The following MYOF variants were observed in gnomAD, a reference collection of about 807,000 sequenced individuals.
The protein encoded by MYOF is fer-1-like 3, myoferlin.
MYOF carries 244 observed loss-of-function variants against 284.2 expected under a neutral mutation model. That is an observed-to-expected ratio of 0.86 (90% CI 0.77 to 0.95). The LOEUF (loss-of-function observed/expected upper bound fraction) is 0.95, where lower values mean the gene tolerates loss of function less well. Among genes scored for constraint, MYOF ranks in the 40% least tolerant of loss-of-function variants. The pLI is 0.00. For synonymous variants in MYOF, 904 were observed against 919.7 expected (o/e 0.98, Z 0.31); for missense variants, 2,496 against 2,560.6 (o/e 0.97, Z 0.54).
At chr10:93,398,737 A>G (rs701859) in intron 13 of MYOF, among the ~76,000 whole-genome samples, 56,714 of 152,104 alleles carry the variant, frequency 0.37, 12,164 homozygotes, top group Middle Eastern at 0.59. Flanking sequence ...TGGTTTGCCG[A>G]ATCTTGCTTT....
At chr10:93,393,810 C>T (rs141179824) in intron 16 of MYOF, among the ~76,000 whole-genome samples, 206 of 152,334 alleles carry the variant, frequency 1.4e-3, no homozygotes, top group African/African-American at 4.4e-3. Flanking sequence ...CTTCTCATCT[C>T]TATCTTCCAC....
rs550982232 is a variant in MYOF, at chr10:93,351,184, G to A, written c.3921+13C>T. The A allele has an allele frequency of 5.6e-6, 9 of 1,612,298 alleles. No homozygotes were observed. In the Admixed American group the frequency reaches 1.3e-4, roughly 24 times the overall value. On this transcript the variant is annotated intron_variant, in intron 35 of 53. Transcript: ENST00000359263. ...CGTTTGATTTGATGAGTAACACGTG[G>A]GGAGCAGCATACCTCAATGGCAGTG...
At chr10:93,336,299 G>A (rs779583292) in intron 40 of MYOF, among the ~76,000 whole-genome samples, 13 of 152,176 alleles carry the variant, frequency 8.5e-5, no homozygotes, top group Non-Finnish European at 1.6e-4. Flanking sequence ...GTGAAAACAC[G>A]TACACATGGT....
intron 5 of MYOF, among the ~76,000 whole-genome samples, chr10:93,410,945 C>T (rs988376912): frequency 6.6e-6 from 1 of 152,204 alleles, no homozygotes; most frequent in Non-Finnish European, 1.5e-5. Context: ...CCACTCCCCA[C>T]CCTCCACTTT....
intron 29 of MYOF, among the ~76,000 whole-genome samples, chr10:93,357,265 C>A (rs1233624611): frequency 6.6e-6 from 1 of 152,264 alleles, no homozygotes; most frequent in East Asian, 1.9e-4. Flanking sequence ...ATTAAATGCC[C>A]CCTCCCAGGT....
chr10:93,465,539 T>TTTTTC (rs1554873027), intron 1 of MYOF, among the ~76,000 whole-genome samples: 4 of 14,106 alleles, frequency 2.8e-4, no homozygotes, highest in Non-Finnish European at 7.9e-4. Flanking sequence ...TTTTCTTTTC[T>TTTTTC]TTTTTTTTTT....
In MYOF at chr10:93,454,987, TAA is replaced by T. The variant is rs56013436; in HGVS notation, c.144+1893_144+1894del. Among the ~76,000 whole-genome samples, 9 of 58,662 alleles carry T rather than the reference TAA, an allele frequency of 1.5e-4. No individual in the cohort carries two copies. The East Asian group carries it at 4.9e-3, about 32-fold the overall frequency. The allele number at this position is 58,662 out of a possible 152,430, so 38.5% of individuals were successfully genotyped here. A position where few individuals can be genotyped will look rare whatever the true frequency, so the allele number is the denominator to read the frequency against. On this transcript the variant is annotated intron_variant, in intron 2 of 53. Coordinates refer to ENST00000359263, the MANE Select transcript of MYOF (RefSeq NM_013451.4). The stretch of plus-strand genomic sequence containing the variant: ...GAGCGAGACCCTGTCTTTTTTTAAT[TAA>T]AAAAAAAAAAAAAAAAAAAAAAAAG...
intron 15 of MYOF, 175 bp downstream of exon 15, chr10:93,397,072 T>C: frequency 1.9e-6 from 1 of 521,960 alleles, no homozygotes; most frequent in Non-Finnish European, 3.3e-6. Flanking sequence ...CGAAGCTTTT[T>C]TTGCAGTAAC....
chr10:93,327,021 C>T lies in MYOF; in HGVS notation c.5132-1056G>A, dbSNP rs147904896. Among the ~76,000 whole-genome samples the T allele has an allele frequency of 4.4e-3, 666 of 152,086 alleles. 3 individuals carry two copies. The highest frequency in any genetic ancestry group is 7.8e-3 in the Non-Finnish European group (528 of 68,022). The stretch of plus-strand genomic sequence containing the variant: ...TGTCATTTCCCTTTGAATCTGGAGA[C>T]GTAGTCAAACACTGGAGTATGGAGA... On this transcript the variant is annotated intron_variant, in intron 45 of 53. Coordinates refer to ENST00000359263, the MANE Select transcript of MYOF (RefSeq NM_013451.4).
chr10:93,409,859 G>T, intron 5 of MYOF, 120 bp from the exon 6 acceptor site: 1 of 1,240,822 alleles, frequency 8.1e-7, no homozygotes, highest in Non-Finnish European at 1.1e-6. Context: ...TAAAGTGGCA[G>T]GTGAAGGAGA....
At chr10:93,308,462 G>GTAATCCCAGCTA (rs1842231182) in intron 53 of MYOF, among the ~76,000 whole-genome samples, 1 of 149,684 alleles carries the variant, frequency 6.7e-6, no homozygotes, top group Non-Finnish European at 1.5e-5. Context: ...GCAGGCACCT[G>GTAATCCCAGCTA]TAATCCCAGC....
At position 93,329,673 on chromosome 10, in the gene MYOF, T is replaced by G; in HGVS notation, c.4973A>C (p.Glu1658Ala). The G allele has an allele frequency of 6.2e-7, 1 of 1,613,962 alleles. No homozygotes were observed. The highest frequency in any genetic ancestry group is 8.5e-7 in the Non-Finnish European group (1 of 1,180,030). The change falls in exon 44 of 54, where the codon GAG becomes GCG. Residue 1658 changes from glutamate (E) to alanine (A), a missense_variant. Glu to Ala is a moderately radical substitution (Grantham distance 107). Transcript: ENST00000359263. Reference sequence around the variant, plus strand: ...AGTCAAAGCAACTTACACACAGTACTCCTCTGGTATGCCGCAGTGGGACCC... The same window carrying G: ...AGTCAAAGCAACTTACACACAGTACGCCTCTGGTATGCCGCAGTGGGACCC... ...RFGSHCGIPE[E>A]YCVSGVNTWR...
At chr10:93,335,716 G>A (rs1843570790) in intron 41 of MYOF, among the ~76,000 whole-genome samples, 1 of 151,800 alleles carries the variant, frequency 6.6e-6, no homozygotes, top group African/African-American at 2.4e-5. Context: ...TTCCTTTCTG[G>A]CACCTTCCAG....
At chr10:93,441,761 G>A (rs1277380360) in intron 3 of MYOF, among the ~76,000 whole-genome samples, 1 of 151,616 alleles carries the variant, frequency 6.6e-6, no homozygotes, top group Non-Finnish European at 1.5e-5. Context: ...ACGGGGGTTT[G>A]CCCATGTTGG....
At chr10:93,337,998 A>ACAAAT in intron 39 of MYOF, 85 bp from the exon 40 acceptor site, 1 of 975,056 alleles carries the variant, frequency 1.0e-6, no homozygotes, top group East Asian at 2.4e-5. Context: ...AATAGTTAAG[A>ACAAAT]AGAAATAGGT....
At chr10:93,438,793 G>A (rs937975767) in intron 3 of MYOF, among the ~76,000 whole-genome samples, 22 of 151,954 alleles carry the variant, frequency 1.4e-4, no homozygotes, top group Non-Finnish European at 2.8e-4. Context: ...ACCACGCATC[G>A]AAGTCCAATT....
At position 93,373,026 on chromosome 10, in the gene MYOF, G is replaced by A. The variant is rs1564659413; in HGVS notation, c.2361C>T (p.Ala787=). ...IWMIRGEKRL[A]YARIPAHQVL... is the part of the protein sequence containing the mutation. ...CCTGATGTGCGGGAATTCGTGCATA[G>A]GCCAGTCTCTTCTCTCCCCGGATCA... is the stretch of plus-strand genomic sequence containing the variant. Residue 787 remains alanine, a synonymous_variant, in exon 24 of 54, where the codon GCC becomes GCT. Transcript: ENST00000359263. 3 of 1,614,164 alleles carry A rather than the reference G, an allele frequency of 1.9e-6. No homozygotes were observed. Among genetic ancestry groups the A allele is most frequent in the Non-Finnish European group, 2.5e-6 (3 of 1,180,002 alleles).
Position 93,316,733 on chromosome 10 carries a change from A to C in MYOF, c.5679T>G (p.Phe1893Leu). ...CCCTACCCAAGTAGTCATCCAGAGAAAACTTGTCATTGTCCCATATCTGAA... is the reference window on the plus strand; with the variant it reads ...CCCTACCCAAGTAGTCATCCAGAGACAACTTGTCATTGTCCCATATCTGAA... ...LIIQIWDNDK[F>L]SLDDYLGFLE... The change falls in exon 50 of 54, where the codon TTT (phenylalanine) becomes TTG (leucine). Residue 1893 changes from phenylalanine to leucine, a missense_variant. Coordinates refer to ENST00000359263, the MANE Select transcript of MYOF (RefSeq NM_013451.4). The C allele has an allele frequency of 6.2e-7, 1 of 1,613,664 alleles. No individual in the cohort carries two copies. Among genetic ancestry groups the C allele is most frequent in the Non-Finnish European group, 8.5e-7 (1 of 1,179,584 alleles).
In MYOF at chr10:93,439,526, T is replaced by C. The variant is rs115267008; in HGVS notation, c.237-8010A>G. ...CACTCTTTCATGAACTTGAACCTTG[T>C]AAGATAAGGAGGGACAGCTTTGCCT... is the stretch of plus-strand genomic sequence containing the variant. On this transcript the variant is annotated intron_variant, in intron 3 of 53. Transcript: ENST00000359263. Among the ~76,000 whole-genome samples the C allele has an allele frequency of 5.2e-3, 791 of 152,298 alleles. 4 individuals are homozygous for C. Among genetic ancestry groups the C allele is most frequent in the African/African-American group, 0.018 (746 of 41,564 alleles).
Sources: allele counts gnomAD v4.1 joint callset (sites outside exome capture counted in the v4.1 genomes callset), GRCh38; gene constraint gnomAD v4.1.1; transcripts MANE v1.5; gene names NCBI Gene and HGNC (gene_info 2026-07-23, HGNC 2026-07-21).